Variants in NAA50 observed in about 807,000 individuals in gnomAD.
NAA50 encodes the protein N-alpha-acetyltransferase 50, NatE catalytic subunit, also known as N-alpha-acetyltransferase 50.
Under a neutral mutation model 20.7 loss-of-function variants are expected in NAA50, and 7 were observed. The observed-to-expected ratio is 0.34, with a 90% CI of 0.19 to 0.63. The LOEUF is 0.63. NAA50 is among the 30% of genes least tolerant of loss of function. The probability of loss-of-function intolerance (pLI) is 0.75; values close to 1 mark genes in which losing one functional copy is unlikely to be tolerated. For missense variants in NAA50, 111 were observed against 199.1 expected (o/e 0.56, Z 2.66); for synonymous variants, 54 against 70.6 (o/e 0.77, Z 1.18).
intron 1 of NAA50, among the ~76,000 whole-genome samples, chr3:113,742,846 T>A (rs1708436940): frequency 6.6e-6 from 1 of 152,208 alleles, no homozygotes; most frequent in South Asian, 2.1e-4. Context: ...TTACTACAAT[T>A]GAAGGCTAAA....
intron 1 of NAA50, 136 bp downstream of exon 1, chr3:113,745,806 G>GAACT: frequency 1.9e-6 from 2 of 1,076,262 alleles, no homozygotes; most frequent in Non-Finnish European, 2.6e-6. Context: ...GGAGCCGAGG[G>GAACT]AACTGAGAAG....
intron 1 of NAA50, among the ~76,000 whole-genome samples, chr3:113,737,758 G>A (rs189019983): frequency 6.6e-6 from 1 of 152,240 alleles, no homozygotes; most frequent in East Asian, 1.9e-4. Context: ...ATACTCAGCA[G>A]CATCCCTAGA....
chr3:113,738,839 G>A (rs937647728), intron 1 of NAA50, among the ~76,000 whole-genome samples: 10 of 152,100 alleles, frequency 6.6e-5, no homozygotes, highest in Non-Finnish European at 1.5e-4. Context: ...GTGCTCCTAA[G>A]TACAAAATAT....
At position 113,721,757 on chromosome 3, in the gene NAA50, T is replaced by C. The variant is rs906106275; in HGVS notation, c.*3A>G. The C allele has an allele frequency of 1.9e-6, 3 of 1,613,540 alleles. No homozygotes were observed. Among genetic ancestry groups the C allele is most frequent in the South Asian group, 1.1e-5 (1 of 91,044 alleles). ...AGTGCAAGAAAGTTCATTTGTAATT[T>C]GTTCAGTTGTCTGTCTTTTGCACAT... On this transcript the variant is annotated 3_prime_UTR_variant, in exon 5 of 5. Coordinates refer to ENST00000240922, the MANE Select transcript of NAA50 (RefSeq NM_025146.4).
At chr3:113,737,176 G>A (rs936599133) in intron 1 of NAA50, among the ~76,000 whole-genome samples, 7 of 152,178 alleles carry the variant, frequency 4.6e-5, no homozygotes, top group African/African-American at 1.2e-4. Context: ...TTTAAAAAAA[G>A]GGAGAGAGAT....
chr3:113,731,943 G>A (rs970727121), intron 1 of NAA50, among the ~76,000 whole-genome samples: 1 of 152,170 alleles, frequency 6.6e-6, no homozygotes, highest in African/African-American at 2.4e-5. Context: ...AAGTCTGCGT[G>A]TGGACATACG....
Position 113,735,891 on chromosome 3 carries a change from C to T in NAA50, c.8+10051G>A, listed in dbSNP as rs948621744. ...AGAGACAGGGTTTCGCCATGTTGGC[C>T]AGGCTGGTCTCCAACTGCTGGTCTC... is the stretch of plus-strand genomic sequence containing the variant. On this transcript the variant is annotated intron_variant, in intron 1 of 4. Transcript: ENST00000240922. Among the ~76,000 whole-genome samples the T allele has an allele frequency of 3.9e-5, 6 of 152,342 alleles. 1 individual carries two copies. Among genetic ancestry groups the T allele is most frequent in the Admixed American group, 3.9e-4 (6 of 15,304 alleles).
intron 1 of NAA50, among the ~76,000 whole-genome samples, chr3:113,733,186 T>C (rs1488366420): frequency 6.6e-6 from 1 of 152,226 alleles, no homozygotes; most frequent in Non-Finnish European, 1.5e-5. Flanking sequence ...AAGTCCTTTA[T>C]CAGACAGATG....
At chr3:113,740,086 A>T (rs960846499) in intron 1 of NAA50, among the ~76,000 whole-genome samples, 1 of 152,132 alleles carries the variant, frequency 6.6e-6, no homozygotes, top group Non-Finnish European at 1.5e-5. Flanking sequence ...GTCAAAATAA[A>T]ACTTATTTTC....
At chr3:113,744,480 TGAAAAGAAC>T (rs1333194337) in intron 1 of NAA50, among the ~76,000 whole-genome samples, 31 of 143,570 alleles carry the variant, frequency 2.2e-4, no homozygotes, top group Admixed American at 1.2e-3. Context: ...AAAAAAAAAA[TGAAAAGAAC>T]AAAACAAAAG....
intron 1 of NAA50, among the ~76,000 whole-genome samples, chr3:113,725,102 T>C (rs1375671622): frequency 6.6e-6 from 1 of 152,192 alleles, no homozygotes; most frequent in Non-Finnish European, 1.5e-5. Flanking sequence ...ATGGAAAAGA[T>C]TAAAGCGAAA....
intron 1 of NAA50, among the ~76,000 whole-genome samples, chr3:113,743,970 T>G (rs891659967): frequency 6.6e-6 from 1 of 152,218 alleles, no homozygotes; most frequent in Admixed American, 6.5e-5. Flanking sequence ...TCACAGCCTA[T>G]GGAGACTGAA....
At chr3:113,726,097 AT>A (rs1199255975) in intron 1 of NAA50, among the ~76,000 whole-genome samples, 2 of 152,158 alleles carry the variant, frequency 1.3e-5, no homozygotes. Context: ...AATCTGTATT[AT>A]TTGTTGCAAC....
At chr3:113,742,583 G>T (rs1480572777) in intron 1 of NAA50, among the ~76,000 whole-genome samples, 5 of 152,140 alleles carry the variant, frequency 3.3e-5, no homozygotes, top group Non-Finnish European at 1.5e-5. Context: ...ATGCTGAGAT[G>T]CAAAAAGCAT....
intron 1 of NAA50, among the ~76,000 whole-genome samples, chr3:113,744,575 A>G (rs527745905): frequency 9.2e-5 from 14 of 152,290 alleles, no homozygotes; most frequent in African/African-American, 3.4e-4. Context: ...TTCCAAGATC[A>G]TGATTCAAGT....
chr3:113,746,045 C>A lies in NAA50; in HGVS notation c.-96G>T. ...GCACCCTTAGCTCGGGCCACTCAACCCCGCAAGCCGGCCTCCTAGCCTGGG... is the reference window on the plus strand; with the variant it reads ...GCACCCTTAGCTCGGGCCACTCAACACCGCAAGCCGGCCTCCTAGCCTGGG... On this transcript the variant is annotated 5_prime_UTR_variant, in exon 1 of 5. Coordinates refer to ENST00000240922, the MANE Select transcript of NAA50 (RefSeq NM_025146.4). 6.6e-7 allele frequency: 1 copy of A among 1,524,536 alleles called. No individual in the cohort carries two copies. The highest frequency in any genetic ancestry group is 8.9e-7 in the Non-Finnish European group (1 of 1,129,214). The allele number at this position is 1,524,536 out of a possible 1,614,324, so 94.4% of individuals were successfully genotyped here. A position where few individuals can be genotyped will look rare whatever the true frequency, so the allele number is the denominator to read the frequency against.
intron 1 of NAA50, chr3:113,739,667 G>A (rs1448889120): frequency 1.3e-5 from 2 of 152,132 alleles, no homozygotes; most frequent in Admixed American, 6.5e-5. Flanking sequence ...TGACTGAATG[G>A]CAACACTTTA....
In NAA50 at chr3:113,721,085, C is replaced by G. The variant is rs1408095827; in HGVS notation, c.*675G>C. On this transcript the variant is annotated 3_prime_UTR_variant, in exon 5 of 5. Transcript: ENST00000240922. ...ACAGCAGGAAAAACAAACCTGCTAA[C>G]AACCAGCCCACTCATTAGCAAAAAA... The G allele has an allele frequency of 2.0e-5, 3 of 152,572 alleles. No individual in the cohort carries two copies. Among genetic ancestry groups the G allele is most frequent in the Admixed American group, 2.0e-4 (3 of 15,260 alleles). The allele number at this position is 152,572 out of a possible 1,614,324, so 9.5% of individuals were successfully genotyped here.
At chr3:113,739,624 T>G (rs1455055254) in intron 1 of NAA50, 2 of 152,172 alleles carry the variant, frequency 1.3e-5, no homozygotes, top group Non-Finnish European at 1.5e-5. Flanking sequence ...TACTTCCAAT[T>G]ATCTCTTCCC....
Sources: gnomAD v4.1 joint callset for allele counts (sites outside exome capture counted in the v4.1 genomes callset) on GRCh38, gnomAD v4.1.1 for gene constraint, MANE v1.5 for transcripts, NCBI Gene and HGNC (gene_info 2026-07-23, HGNC 2026-07-21) for gene names.